Variants in TSPEAR observed in about 807,000 individuals in gnomAD.
The protein encoded by TSPEAR is thrombospondin type laminin G domain and EAR repeats.
A neutral mutation model predicts 71.6 loss-of-function variants in TSPEAR; 69 were observed. The ratio of observed to expected loss-of-function variants is 0.96; its 90% CI spans 0.79 to 1.18. TSPEAR has a LOEUF of 1.18. Ranked by LOEUF, TSPEAR falls within the 50% of genes most tolerant of loss-of-function variation. TSPEAR has a pLI of 0.00. For missense variants in TSPEAR, 971 were observed against 894.9 expected (o/e 1.09, Z -1.09); for synonymous variants, 402 against 387.2 (o/e 1.04, Z -0.45).
At chr21:44,646,018 G>A (rs933116883) in intron 1 of TSPEAR, among the ~76,000 whole-genome samples, 1 of 149,406 alleles carries the variant, frequency 6.7e-6, no homozygotes, top group Admixed American at 6.7e-5. Context: ...CCAGCTACTC[G>A]GGAGGCTGAG....
intron 2 of TSPEAR, among the ~76,000 whole-genome samples, chr21:44,550,128 G>A (rs1389887511): frequency 1.3e-5 from 2 of 152,266 alleles, no homozygotes; most frequent in African/African-American, 2.4e-5. Flanking sequence ...TGGTGTCTGT[G>A]GGACTCAGCC....
chr21:44,634,003 A>G (rs1983400836), intron 1 of TSPEAR, among the ~76,000 whole-genome samples: 1 of 152,184 alleles, frequency 6.6e-6, no homozygotes, highest in South Asian at 2.1e-4. Context: ...CCAACTACTC[A>G]GGAGGTTGAG....
intron 1 of TSPEAR, among the ~76,000 whole-genome samples, chr21:44,680,886 T>C (rs529734846): frequency 9.2e-5 from 14 of 152,180 alleles, no homozygotes; most frequent in Admixed American, 2.6e-4. Flanking sequence ...GAGAAGTGAG[T>C]TTGGTTAATG....
Position 44,499,560 on chromosome 21 carries a change from T to C in TSPEAR, c.*223A>G, listed in dbSNP as rs1601308087. ...CTGGCAGGGGCTCTGGGCCTCTGCC[T>C]GCAAGACCAGACCGTCACTGGGGCT... On this transcript the variant is annotated 3_prime_UTR_variant, in exon 12 of 12. Transcript: ENST00000323084. 1 of 521,162 alleles carries C rather than the reference T, an allele frequency of 1.9e-6. No homozygotes were observed. Among genetic ancestry groups the C allele is most frequent in the East Asian group, 3.6e-5 (1 of 28,004 alleles). The allele number at this position is 521,162 out of a possible 1,614,324, so 32.3% of individuals were successfully genotyped here.
intron 1 of TSPEAR, among the ~76,000 whole-genome samples, chr21:44,675,074 A>G (rs900539127): frequency 2.0e-5 from 3 of 152,068 alleles, no homozygotes; most frequent in Non-Finnish European, 4.4e-5. Context: ...AACTCACTCT[A>G]TGAGGCCAGA....
intron 9 of TSPEAR, chr21:44,510,589 C>G (rs2052340759): frequency 6.6e-6 from 1 of 152,268 alleles, no homozygotes. Flanking sequence ...CTGTCCGGCG[C>G]CTGCCCGGCC....
Position 44,606,846 on chromosome 21 carries a change from ACCAGAGG to A in TSPEAR, c.83-38848_83-38842del, listed in dbSNP as rs797038567. 2.9e-4 allele frequency among the ~76,000 whole-genome samples: 44 copies of A among 152,306 alleles called. 1 individual carries two copies. The highest frequency in any genetic ancestry group is 1.0e-3 in the African/African-American group (42 of 41,564). On this transcript the variant is annotated intron_variant, in intron 1 of 11. Transcript: ENST00000323084. ...AGAAACAGAGAGCAGAAAGGTGGTT[ACCAGAGG>A]CCGGGGGCTGCCAGAGGAGAGGAAT...
At chr21:44,674,696 C>G (rs782151379) in intron 1 of TSPEAR, among the ~76,000 whole-genome samples, 7 of 150,828 alleles carry the variant, frequency 4.6e-5, no homozygotes, top group Non-Finnish European at 8.8e-5. Context: ...TCATTGCACT[C>G]CAGCCTGGGT....
At chr21:44,579,680 G>T in intron 1 of TSPEAR, 2 of 1,528,498 alleles carry the variant, frequency 1.3e-6, no homozygotes, top group South Asian at 1.3e-5. Flanking sequence ...CCAAGCGGGG[G>T]CAACCTCCTA....
At chr21:44,664,826 A>G (rs1555944364) in intron 1 of TSPEAR, among the ~76,000 whole-genome samples, 1 of 152,240 alleles carries the variant, frequency 6.6e-6, no homozygotes, top group African/African-American at 2.4e-5. Context: ...CACTAGCATC[A>G]CAGAACTTGG....
At chr21:44,582,581 G>A (rs887772406) in intron 1 of TSPEAR, among the ~76,000 whole-genome samples, 3 of 152,054 alleles carry the variant, frequency 2.0e-5, no homozygotes, top group Admixed American at 6.6e-5. Context: ...GCCCTCTGTC[G>A]CTCCCTTCTC....
intron 1 of TSPEAR, among the ~76,000 whole-genome samples, chr21:44,590,658 C>T (rs1555926372): frequency 6.6e-6 from 1 of 152,136 alleles, no homozygotes; most frequent in African/African-American, 2.4e-5. Context: ...AGCTGGTCTC[C>T]CCAGGGGTAA....
chr21:44,586,426 T>G (rs1382530405), intron 1 of TSPEAR, among the ~76,000 whole-genome samples: 1 of 152,016 alleles, frequency 6.6e-6, no homozygotes, highest in African/African-American at 2.4e-5. Context: ...CATTGGGGAG[T>G]AGCCAGCCCA....
In TSPEAR at chr21:44,499,706, C is replaced by T. The variant is rs752938556; in HGVS notation, c.*77G>A. The T allele has an allele frequency of 1.6e-4, 229 of 1,431,622 alleles. No individual in the cohort carries two copies. Among genetic ancestry groups the T allele is most frequent in the Non-Finnish European group, 1.8e-4 (200 of 1,083,252 alleles). 88.7% of individuals were successfully genotyped at this position (1,431,622 alleles called of 1,614,324 possible). A position where few individuals can be genotyped will look rare whatever the true frequency, so the allele number is the denominator to read the frequency against. ...ATGCCCTAGGCTGGGCCCACCTGGACGTCCAGGGTCAGTTGGGGGAGGTGC... is the reference window on the plus strand; with the variant it reads ...ATGCCCTAGGCTGGGCCCACCTGGATGTCCAGGGTCAGTTGGGGGAGGTGC... On this transcript the variant is annotated 3_prime_UTR_variant, in exon 12 of 12. Transcript: ENST00000323084.
intron 1 of TSPEAR, among the ~76,000 whole-genome samples, chr21:44,704,609 G>C (rs1601585281): frequency 6.6e-6 from 1 of 152,350 alleles, no homozygotes; most frequent in Non-Finnish European, 1.5e-5. Flanking sequence ...AGCGGCTTGA[G>C]GGTCTTTCCA....
At position 44,505,204 on chromosome 21, in the gene TSPEAR, G is replaced by A. The variant is rs587620377; in HGVS notation, c.1755-323C>T. Among the ~76,000 whole-genome samples, 7 of 152,048 alleles carry A rather than the reference G, an allele frequency of 4.6e-5. No individual in the cohort carries two copies. In the South Asian group the frequency reaches 6.2e-4, roughly 14 times the overall value. The stretch of plus-strand genomic sequence containing the variant: ...AGCGATTCTCCTGCCTCAGCCTCCC[G>A]AGTAGCTGGGATTACAAGTGTGCGG... On this transcript the variant is annotated intron_variant, in intron 10 of 11. Coordinates refer to ENST00000323084, the MANE Select transcript of TSPEAR (RefSeq NM_144991.3).
intron 1 of TSPEAR, chr21:44,677,759 T>C (rs1229439819): frequency 1.5e-6 from 2 of 1,347,376 alleles, no homozygotes; most frequent in Admixed American, 1.7e-5. Context: ...TAGAGATTTT[T>C]AGTGGACCAG....
intron 2 of TSPEAR, chr21:44,550,980 G>T: frequency 6.2e-7 from 1 of 1,612,948 alleles, no homozygotes; most frequent in Admixed American, 1.7e-5. Flanking sequence ...GCAGCATGAA[G>T]AGGATGACTC....
intron 1 of TSPEAR, chr21:44,591,671 C>T: frequency 6.3e-7 from 1 of 1,585,666 alleles, no homozygotes; most frequent in Non-Finnish European, 8.6e-7. Context: ...CAGACGGGCA[C>T]ACAGCAGGCG....
Sources: allele counts gnomAD v4.1 joint callset (sites outside exome capture counted in the v4.1 genomes callset), GRCh38; gene constraint gnomAD v4.1.1; transcripts MANE v1.5; gene names NCBI Gene and HGNC (gene_info 2026-07-23, HGNC 2026-07-21).